Variants in HGFAC observed in about 807,000 individuals in gnomAD.
HGFAC encodes the protein hepatocyte growth factor activator serine protease.
Under a neutral mutation model 70.6 loss-of-function variants are expected in HGFAC, and 76 were observed. That is an observed-to-expected ratio of 1.08 (90% CI 0.89 to 1.30). The LOEUF is 1.30. Ranked by LOEUF, HGFAC falls within the 50% of genes most tolerant of loss-of-function variation. The probability of loss-of-function intolerance (pLI) is 0.00; values close to 1 mark genes in which losing one functional copy is unlikely to be tolerated. For missense variants in HGFAC, 1,044 were observed against 933.7 expected (o/e 1.12, Z -1.54); for synonymous variants, 464 against 405.3 (o/e 1.14, Z -1.74).
At position 3,449,317 on chromosome 4, in the gene HGFAC, C is replaced by T. The variant is rs200987576; in HGVS notation, c.1866C>T (p.Cys622=). The T allele has an allele frequency of 2.7e-5, 43 of 1,611,978 alleles. No individual in the cohort carries two copies. In the East Asian group the frequency reaches 4.7e-4, roughly 18 times the overall value. ...LYGIISWGDG[C]GRLHKPGVYT... ...GCATCATCAGCTGGGGTGACGGCTG[C>T]GGGCGGCTCCACAAGCCGGGGGTCT... is the stretch of plus-strand genomic sequence containing the variant. The change falls in exon 14 of 14, where the codon TGC becomes TGT. Residue 622 remains cysteine (C), a synonymous_variant. Coordinates refer to ENST00000382774, the MANE Select transcript of HGFAC (RefSeq NM_001528.4).
Position 3,444,393 on chromosome 4 carries a change from G to A in HGFAC, c.681G>A (p.Gln227=). The change falls in exon 6 of 14, where the codon CAG becomes CAA. Residue 227 remains glutamine (Q), a synonymous_variant. Transcript: ENST00000382774. ...GCGTGCGCCAGGGCCACGTGGAACA[G>A]TGCGAGTGCTTCGGGGGCCGGACCT... ...WARVRQGHVE[Q]CECFGGRTWC... The A allele has an allele frequency of 6.2e-7, 1 of 1,605,646 alleles. No individual in the cohort carries two copies. The highest frequency in any genetic ancestry group is 8.5e-7 in the Non-Finnish European group (1 of 1,177,364).
upstream of HGFAC, chr4:3,441,882 G>A (rs1053944020): frequency 3.0e-5 from 17 of 560,902 alleles, no homozygotes; most frequent in African/African-American, 3.0e-4. This position sits in a 1 kb window ranked among gnomAD's most constrained non-coding sequence, Gnocchi z 6.0. Context: ...CTTCCTCTCC[G>A]GCTGGGCCCG....
chr4:3,444,330 C>G lies in HGFAC; in HGVS notation c.618C>G (p.Thr206=), dbSNP rs35018889. 2 of 1,594,342 alleles carry G rather than the reference C, an allele frequency of 1.3e-6. No individual in the cohort carries two copies. Among genetic ancestry groups the G allele is most frequent in the Non-Finnish European group, 1.7e-6 (2 of 1,171,554 alleles). ...DCGTEKCFDE[T]RYEYLEGGDR... is the part of the protein sequence containing the mutation. ...CCTCAGAGAAATGCTTTGATGAGAC[C>G]CGCTACGAGTACCTGGAGGGGGGCG... Residue 206 remains threonine (T), a synonymous_variant, in exon 6 of 14, where the codon ACC becomes ACG. Transcript: ENST00000382774.
chr4:3,442,059 C>G lies in HGFAC; in HGVS notation c.58C>G (p.Leu20Val), dbSNP rs1355766045. 6.6e-7 allele frequency: 1 copy of G among 1,524,420 alleles called. No individual in the cohort carries two copies. Among genetic ancestry groups the G allele is most frequent in the Non-Finnish European group, 8.7e-7 (1 of 1,146,144 alleles). 94.4% of individuals were successfully genotyped at this position (1,524,420 alleles called of 1,614,324 possible). A position where few individuals can be genotyped will look rare whatever the true frequency, so the allele number is the denominator to read the frequency against. The change falls in exon 1 of 14, where the codon CTC (leucine) becomes GTC (valine). Residue 20 changes from leucine (L) to valine (V), a missense_variant. Transcript: ENST00000382774. The stretch of plus-strand genomic sequence containing the variant: ...GCCCCCACCGGGGCTGGGCCCCTTC[C>G]TCCTCCTCCTCCTGCTGCTGCTGCT... ...PWPPPGLGPF[L>V]LLLLLLLLLP... is the part of the protein sequence containing the mutation.
chr4:3,445,696 C>A lies in HGFAC; in HGVS notation c.1102+346C>A, dbSNP rs185373915. ...ACCTGCTTCCTGCCCTGGGGAGAGG[C>A]CCCCCGGCTCCCTAGGACCCCGGCG... On this transcript the variant is annotated intron_variant, in intron 9 of 13. Transcript: ENST00000382774. 27 of 635,350 alleles carry A rather than the reference C, an allele frequency of 4.2e-5. 1 individual carries two copies. The Admixed American group carries it at 6.1e-4, about 14-fold the overall frequency. The allele number at this position is 635,350 out of a possible 1,614,324, so 39.4% of individuals were successfully genotyped here.
At position 3,446,069 on chromosome 4, in the gene HGFAC, CG is replaced by C. The variant is rs772554780; in HGVS notation, c.1132del (p.Asp378IlefsTer96). 12 of 1,609,008 alleles carry C rather than the reference CG, an allele frequency of 7.5e-6. No homozygotes were observed. The highest frequency in any genetic ancestry group is 1.3e-5 in the African/African-American group (1 of 74,840). On this transcript the variant is annotated frameshift_variant, in exon 10 of 14. Transcript: ENST00000382774. LOFTEE classifies it high-confidence loss of function. ...CESLTRVQLS[P>X]DLLATLPEPA... ...TCCCTCACCAGAGTCCAACTGTCAC[CG>C]GATCTCCTGGCGACCCTGCCTGAGC...
At position 3,443,162 on chromosome 4, in the gene HGFAC, C is replaced by T. The variant is rs774768814; in HGVS notation, c.395+16C>T. 29 of 1,495,270 alleles carry T rather than the reference C, an allele frequency of 1.9e-5. No individual in the cohort carries two copies. The highest frequency in any genetic ancestry group is 4.3e-5 in the Admixed American group (2 of 46,666). 92.6% of individuals were successfully genotyped at this position (1,495,270 alleles called of 1,614,324 possible). A position where few individuals can be genotyped will look rare whatever the true frequency, so the allele number is the denominator to read the frequency against. On this transcript the variant is annotated intron_variant, in intron 3 of 13. Transcript: ENST00000382774. ...ACAGGAAGTGGTGGGTCCGGGCAGC[C>T]GGGGCACCCGAGCTGGGGTCACCTG...
chr4:3,443,338 C>G lies in HGFAC; in HGVS notation c.396-3C>G. 1 of 1,542,464 alleles carries G rather than the reference C, an allele frequency of 6.5e-7. No individual in the cohort carries two copies. Among genetic ancestry groups the G allele is most frequent in the Non-Finnish European group, 8.7e-7 (1 of 1,142,974 alleles). The stretch of plus-strand genomic sequence containing the variant: ...CCCCATGCACGCAGGTGTCGCCCCC[C>G]AGGTGTGCCACAACTCACAACTACG... On this transcript the variant is annotated splice_polypyrimidine_tract_variant and splice_region_variant and intron_variant, in intron 3 of 13. Transcript: ENST00000382774.
chr4:3,444,070 C>A lies in HGFAC; in HGVS notation c.507C>A (p.Cys169Ter), dbSNP rs1329861021. The change falls in exon 5 of 14, where the codon TGC becomes TGA. Residue 169 changes from cysteine to a stop codon, truncating the protein, a stop_gained. Transcript: ENST00000382774. LOFTEE classifies it high-confidence loss of function. ...TGGATCCCTGTGCCTCCGGCCCCTG[C>A]CTCAATGGAGGCTCCTGCTCCAATA... ...AALDPCASGP[C>*]LNGGSCSNTQ... The A allele has an allele frequency of 1.2e-6, 2 of 1,610,462 alleles. No homozygotes were observed. Among genetic ancestry groups the A allele is most frequent in the Non-Finnish European group, 1.7e-6 (2 of 1,179,014 alleles).
rs760712424 is a variant in HGFAC, at chr4:3,442,715, C to T, written c.118-17C>T. 1 of 1,463,518 alleles carries T rather than the reference C, an allele frequency of 6.8e-7. No homozygotes were observed. The highest frequency in any genetic ancestry group is 9.0e-7 in the Non-Finnish European group (1 of 1,108,174). The allele number at this position is 1,463,518 out of a possible 1,614,324, so 90.7% of individuals were successfully genotyped here. On this transcript the variant is annotated splice_polypyrimidine_tract_variant and intron_variant, in intron 1 of 13. Coordinates refer to ENST00000382774, the MANE Select transcript of HGFAC (RefSeq NM_001528.4). The stretch of plus-strand genomic sequence containing the variant: ...TGAGGGTCTGTCCCACACTGACACC[C>T]TTTCTGCTCCTCCTAGAACCGTACG...
Position 3,448,198 on chromosome 4 carries a change from C to T in HGFAC, c.1707C>T (p.Ser569=). The change falls in exon 13 of 14, where the codon AGC becomes AGT. Residue 569 remains serine (S), a synonymous_variant. Coordinates refer to ENST00000382774, the MANE Select transcript of HGFAC (RefSeq NM_001528.4). ...VPLVADHKCS[S]PEVYGADISP... ...TGGTCGCCGACCACAAGTGCAGCAG[C>T]CCTGAGGTCTACGGCGCCGACATCA... The T allele has an allele frequency of 6.2e-7, 1 of 1,606,580 alleles. No homozygotes were observed. The highest frequency in any genetic ancestry group is 8.5e-7 in the Non-Finnish European group (1 of 1,177,940).
chr4:3,443,936 C>A (rs1321183747), intron 4 of HGFAC, 103 bp from the exon 5 acceptor site: 4 of 1,291,340 alleles, frequency 3.1e-6, no homozygotes, highest in South Asian at 1.5e-5. Flanking sequence ...GCTCTCAGAG[C>A]CCCTCACTGG....
intron 10 of HGFAC, among the ~76,000 whole-genome samples, chr4:3,447,179 G>A (rs1725538606): frequency 6.6e-6 from 1 of 152,188 alleles, no homozygotes; most frequent in South Asian, 2.1e-4. Context: ...ACCCACTCGG[G>A]TCGGCCTTGC....
Position 3,447,942 on chromosome 4 carries a change from C to A in HGFAC, c.1543C>A (p.Gln515Lys). The A allele has an allele frequency of 6.2e-7, 1 of 1,606,086 alleles. No individual in the cohort carries two copies. Among genetic ancestry groups the A allele is most frequent in the Non-Finnish European group, 8.5e-7 (1 of 1,177,020 alleles). ...AGGGGACCGCTGTGCCACACGCTCG[C>A]AGTTCGTGCAGCCCATCTGCCTGCC... is the stretch of plus-strand genomic sequence containing the variant. Reference protein sequence around the residue: ...KKGDRCATRSQFVQPICLPEP... With the variant: ...KKGDRCATRSKFVQPICLPEP... The change falls in exon 12 of 14, where the codon CAG becomes AAG. Residue 515 changes from glutamine (Q) to lysine (K), a missense_variant. Physicochemically the swap from Gln to Lys is moderately conservative, Grantham distance 53. Transcript: ENST00000382774.
rs777159884 is a variant in HGFAC at position 3,444,399 on chromosome 4, G to A, written c.687G>A (p.Glu229=). ...RVRQGHVEQC[E]CFGGRTWCEG... is the part of the protein sequence containing the mutation. Reference sequence around the variant, plus strand: ...GCCAGGGCCACGTGGAACAGTGCGAGTGCTTCGGGGGCCGGACCTGGTGCG... The same window carrying A: ...GCCAGGGCCACGTGGAACAGTGCGAATGCTTCGGGGGCCGGACCTGGTGCG... Residue 229 remains glutamate, a synonymous_variant, in exon 6 of 14, where the codon GAG becomes GAA. Coordinates refer to ENST00000382774, the MANE Select transcript of HGFAC (RefSeq NM_001528.4). 4.4e-6 allele frequency: 7 copies of A among 1,605,332 alleles called. No individual in the cohort carries two copies. In the East Asian group the frequency reaches 1.3e-4, roughly 31 times the overall value.
At position 3,446,045 on chromosome 4, in the gene HGFAC, C is replaced by T; in HGVS notation, c.1106C>T (p.Ser369Phe). ...WEYCRLEACE[S>F]LTRVQLSPDL... Reference sequence around the variant, plus strand: ...ACCCGGTGACCTTTGCTCCCAGAATCCCTCACCAGAGTCCAACTGTCACCG... The same window carrying T: ...ACCCGGTGACCTTTGCTCCCAGAATTCCTCACCAGAGTCCAACTGTCACCG... Residue 369 changes from serine to phenylalanine, a missense_variant, in exon 10 of 14, where the codon TCC (serine) becomes TTC (phenylalanine). Physicochemically the swap from Ser to Phe is radical, Grantham distance 155 (BLOSUM62 -2). Coordinates refer to ENST00000382774, the MANE Select transcript of HGFAC (RefSeq NM_001528.4). 1 of 1,608,290 alleles carries T rather than the reference C, an allele frequency of 6.2e-7. No homozygotes were observed. The highest frequency in any genetic ancestry group is 8.5e-7 in the Non-Finnish European group (1 of 1,177,496).
intron 1 of HGFAC, 110 bp downstream of exon 1, chr4:3,442,228 C>A: frequency 2.5e-6 from 2 of 794,236 alleles, no homozygotes; most frequent in Non-Finnish European, 3.9e-6. Flanking sequence ...TTTGAGGGGG[C>A]GGGGGTCCGA....
Position 3,449,413 on chromosome 4 carries a change from C to T in HGFAC, c.1962C>T (p.Pro654=), listed in dbSNP as rs113038124. The change falls in exon 14 of 14, where the codon CCC becomes CCT. Residue 654 remains proline (P), a synonymous_variant. Coordinates refer to ENST00000382774, the MANE Select transcript of HGFAC (RefSeq NM_001528.4). ...RIRPPRRLVA[P]S is the part of the protein sequence containing the mutation. ...GGCCTCCCAGGCGGCTTGTGGCTCCCTCCTGACCCTCCAGCGGGACACCCT... is the reference window on the plus strand; with the variant it reads ...GGCCTCCCAGGCGGCTTGTGGCTCCTTCCTGACCCTCCAGCGGGACACCCT... 32 of 1,543,300 alleles carry T rather than the reference C, an allele frequency of 2.1e-5. 2 individuals carry two copies. Among genetic ancestry groups the T allele is most frequent in the African/African-American group, 1.7e-4 (12 of 72,434 alleles).
chr4:3,448,122 C>T lies in HGFAC; in HGVS notation c.1637-6C>T. 1 of 1,585,780 alleles carries T rather than the reference C, an allele frequency of 6.3e-7. No homozygotes were observed. The highest frequency in any genetic ancestry group is 1.3e-5 in the African/African-American group (1 of 74,464). ...GGTGTCACGCTGAGGGCATTGTGTC[C>T]CACAGACGTGAGCGGCTACTCCAGC... On this transcript the variant is annotated splice_polypyrimidine_tract_variant and splice_region_variant and intron_variant, in intron 12 of 13. Transcript: ENST00000382774.
Sources: gnomAD v4.1 joint callset for allele counts (sites outside exome capture counted in the v4.1 genomes callset) on GRCh38, gnomAD v4.1.1 for gene constraint, Gnocchi (gnomAD v3.1) non-coding constraint, MANE v1.5 for transcripts, NCBI Gene and HGNC (gene_info 2026-07-23, HGNC 2026-07-21) for gene names.